Variants in KCNK10 observed in about 807,000 individuals in gnomAD.
KCNK10 encodes the protein potassium channel subfamily K member 10.
KCNK10 carries 25 observed loss-of-function variants against 47.7 expected under a neutral mutation model. That is an observed-to-expected ratio of 0.52 (90% CI 0.38 to 0.73). KCNK10 has a LOEUF of 0.73. Ranked by LOEUF, KCNK10 falls within the 30% of genes least tolerant of loss-of-function variation. KCNK10 has a pLI of 0.00. For missense variants in KCNK10, 563 were observed against 714.5 expected (o/e 0.79, Z 2.42); for synonymous variants, 303 against 285.6 (o/e 1.06, Z -0.61).
Position 88,185,647 on chromosome 14 carries a change from G to T in KCNK10, c.1520C>A (p.Ala507Asp), listed in dbSNP as rs1220651743. Reference sequence around the variant, plus strand: ...CTGCTGGATACAGTCCGTCAGCATGGCTGTGCTGGAGTTGTCTGAGTTACA... The same window carrying T: ...CTGCTGGATACAGTCCGTCAGCATGTCTGTGCTGGAGTTGTCTGAGTTACA... ...KMCNSDNSST[A>D]MLTDCIQQHA... The change falls in exon 7 of 7, where the codon GCC becomes GAC. Residue 507 changes from alanine (A) to aspartate (D), a missense_variant. Coordinates refer to ENST00000319231, the MANE Select transcript of KCNK10 (RefSeq NM_138317.3). The surrounding 1 kb of genome is among the most constrained non-coding windows in gnomAD (Gnocchi z 4.3). The T allele has an allele frequency of 6.2e-7, 1 of 1,614,186 alleles. No individual in the cohort carries two copies. The highest frequency in any genetic ancestry group is 1.7e-5 in the Admixed American group (1 of 60,030).
At chr14:88,309,386 G>T (rs1361068761) in intron 1 of KCNK10, among the ~76,000 whole-genome samples, 1 of 152,120 alleles carries the variant, frequency 6.6e-6, no homozygotes, top group Non-Finnish European at 1.5e-5. Flanking sequence ...CGGATTGCTT[G>T]AGCTCAGGAG....
upstream of KCNK10, among the ~76,000 whole-genome samples, chr14:88,325,535 A>G (rs964867492): frequency 6.6e-6 from 1 of 152,212 alleles, no homozygotes; most frequent in Non-Finnish European, 1.5e-5. Flanking sequence ...TGAGGATTCA[A>G]ACCCAAGTTT....
chr14:88,326,392 G>A (rs377558365), upstream of KCNK10: 169 of 1,606,158 alleles, frequency 1.1e-4, no homozygotes, highest in Middle Eastern at 1.2e-3. Context: ...CTACCCTTTG[G>A]TTATTTACAA....
At chr14:88,296,580 A>G (rs949166920) in intron 1 of KCNK10, among the ~76,000 whole-genome samples, 1 of 152,200 alleles carries the variant, frequency 6.6e-6, no homozygotes, top group African/African-American at 2.4e-5. Context: ...GATATCTGGC[A>G]GAGTTGCACT....
At chr14:88,326,580 C>G, upstream of KCNK10, 5 of 737,700 alleles carry the variant, frequency 6.8e-6, no homozygotes, top group African/African-American at 5.3e-5. Flanking sequence ...GGCAGGAAAA[C>G]AAAACATCGT....
At chr14:88,190,528 T>A (rs1483782377) in intron 5 of KCNK10, among the ~76,000 whole-genome samples, 1 of 152,080 alleles carries the variant, frequency 6.6e-6, no homozygotes, top group African/African-American at 2.4e-5. Flanking sequence ...TAACTAGACA[T>A]CCATGGTTGA....
intron 4 of KCNK10, among the ~76,000 whole-genome samples, chr14:88,210,829 G>GA (rs71126970): frequency 0.094 from 13,008 of 138,484 alleles, 750 homozygotes; most frequent in East Asian, 0.2. Context: ...AAAGTTAAAG[G>GA]AAAAAAAAAA....
Position 88,183,782 on chromosome 14 carries a change from G to C in KCNK10, c.*1753C>G, listed in dbSNP as rs149749127. 6.6e-6 allele frequency: 1 copy of C among 152,522 alleles called. No homozygotes were observed. Among genetic ancestry groups the C allele is most frequent in the African/African-American group, 2.4e-5 (1 of 41,572 alleles). The allele number at this position is 152,522 out of a possible 1,614,324, so 9.4% of individuals were successfully genotyped here. ...GCTGTGCATTTTTGAGAAATGGGCA[G>C]GGACAGGTCTTCCATGGTACCAGTG... On this transcript the variant is annotated 3_prime_UTR_variant, in exon 7 of 7. Coordinates refer to ENST00000319231, the MANE Select transcript of KCNK10 (RefSeq NM_138317.3).
chr14:88,204,095 C>T (rs74074272), intron 4 of KCNK10, among the ~76,000 whole-genome samples: 3,116 of 152,234 alleles, frequency 0.02, 110 homozygotes, highest in African/African-American at 0.071. Context: ...AAGGCCTCTA[C>T]AGTGACCATG....
chr14:88,223,131 T>A (rs1305244742), intron 4 of KCNK10, among the ~76,000 whole-genome samples: 1 of 152,110 alleles, frequency 6.6e-6, no homozygotes, highest in Admixed American at 6.5e-5. Flanking sequence ...CTGCAAAAAC[T>A]ACAACCTTGC....
intron 4 of KCNK10, among the ~76,000 whole-genome samples, chr14:88,195,105 G>T (rs1191549740): frequency 6.6e-6 from 1 of 151,462 alleles, no homozygotes; most frequent in East Asian, 1.9e-4. Context: ...CTCATGTGCC[G>T]TGTGGTGATC....
intron 1 of KCNK10, among the ~76,000 whole-genome samples, chr14:88,312,245 C>G (rs188563672): frequency 6.6e-6 from 1 of 152,270 alleles, no homozygotes; most frequent in Admixed American, 6.5e-5. Flanking sequence ...ATGGGAACCT[C>G]TAAGTCATTG....
At chr14:88,319,458 C>G (rs1888498616) in intron 1 of KCNK10, among the ~76,000 whole-genome samples, 2 of 152,176 alleles carry the variant, frequency 1.3e-5, no homozygotes, top group African/African-American at 4.8e-5. Context: ...CATCTTTTCC[C>G]TGCTAAACAC....
intron 2 of KCNK10, among the ~76,000 whole-genome samples, chr14:88,255,021 G>C (rs1886907038): frequency 6.6e-6 from 1 of 152,148 alleles, no homozygotes; most frequent in Non-Finnish European, 1.5e-5. Flanking sequence ...GTTTAGTGGT[G>C]TTGAGGGACC....
intron 2 of KCNK10, among the ~76,000 whole-genome samples, chr14:88,261,703 T>C (rs150181204): frequency 6.6e-6 from 1 of 151,390 alleles, no homozygotes; most frequent in East Asian, 2.0e-4. Flanking sequence ...GAACCTGCAA[T>C]GAGCCATGAT....
chr14:88,185,559 G>A lies in KCNK10; in HGVS notation c.1608C>T (p.Asn536=). 1 of 1,613,766 alleles carries A rather than the reference G, an allele frequency of 6.2e-7. No homozygotes were observed. The highest frequency in any genetic ancestry group is 8.5e-7 in the Non-Finnish European group (1 of 1,179,756). ...TTTAGTTTCTGTCTTCAAGTAATGAGTTGTTCTCCGGCTCCCGGTCTTTGG... is the reference window on the plus strand; with the variant it reads ...TTTAGTTTCTGTCTTCAAGTAATGAATTGTTCTCCGGCTCCCGGTCTTTGG... ...TDTKDREPEN[N]SLLEDRN The change falls in exon 7 of 7, where the codon AAC becomes AAT. Residue 536 remains asparagine, a synonymous_variant. Coordinates refer to ENST00000319231, the MANE Select transcript of KCNK10 (RefSeq NM_138317.3). This position sits in a 1 kb window ranked among gnomAD's most constrained non-coding sequence, Gnocchi z 4.3.
At chr14:88,207,853 G>T (rs56112606) in intron 4 of KCNK10, among the ~76,000 whole-genome samples, 2 of 142,680 alleles carry the variant, frequency 1.4e-5, no homozygotes, top group African/African-American at 3.1e-5. Context: ...ATGTTATTTG[G>T]GGGGGGTGTT....
chr14:88,302,296 G>A (rs907305024), intron 1 of KCNK10, among the ~76,000 whole-genome samples: 1 of 152,200 alleles, frequency 6.6e-6, no homozygotes, highest in Admixed American at 6.5e-5. Context: ...TCACTCAGGA[G>A]AACCTACAGA....
At chr14:88,227,859 C>T (rs1886036450) in intron 3 of KCNK10, among the ~76,000 whole-genome samples, 2 of 152,160 alleles carry the variant, frequency 1.3e-5, no homozygotes, top group African/African-American at 2.4e-5. Context: ...TCTAGTTTAG[C>T]GAGACCTGAA....
Sources: allele counts gnomAD v4.1 joint callset (sites outside exome capture counted in the v4.1 genomes callset), GRCh38; gene constraint gnomAD v4.1.1; non-coding constraint Gnocchi (gnomAD v3.1); transcripts MANE v1.5; gene names NCBI Gene and HGNC (gene_info 2026-07-23, HGNC 2026-07-21).